The following XYLT1 variants were observed in gnomAD, a reference collection of about 807,000 sequenced individuals.
XYLT1 encodes the protein xylosyltransferase 1, also known as beta-D-xylosyltransferase 1.
Under a neutral mutation model 91.3 loss-of-function variants are expected in XYLT1, and 36 were observed. The observed-to-expected ratio is 0.39, with a 90% CI of 0.30 to 0.52. XYLT1 has a LOEUF of 0.52. Among genes scored for constraint, XYLT1 ranks in the 20% least tolerant of loss-of-function variants. XYLT1 has a pLI of 0.68. For missense variants in XYLT1, 1,242 were observed against 1,284.5 expected (o/e 0.97, Z 0.51); for synonymous variants, 588 against 532.0 (o/e 1.11, Z -1.45).
chr16:17,462,587 A>G (rs2036837796), intron 1 of XYLT1, among the ~76,000 whole-genome samples: 1 of 152,188 alleles, frequency 6.6e-6, no homozygotes, highest in East Asian at 1.9e-4. Flanking sequence ...GTAACTCTCC[A>G]GTGTGCTGCA....
intron 3 of XYLT1, among the ~76,000 whole-genome samples, chr16:17,228,550 G>T (rs1261418667): frequency 6.6e-6 from 1 of 152,122 alleles, no homozygotes; most frequent in East Asian, 1.9e-4. Flanking sequence ...AGCCAATAGG[G>T]GACTTAGAAG....
intron 2 of XYLT1, among the ~76,000 whole-genome samples, chr16:17,296,961 G>A (rs1057346069): frequency 3.9e-5 from 6 of 152,146 alleles, no homozygotes; most frequent in African/African-American, 1.2e-4. Context: ...ATGACTTTCC[G>A]AGTTTCTTTT....
At chr16:17,415,126 G>A (rs1466218842) in intron 1 of XYLT1, among the ~76,000 whole-genome samples, 1 of 152,254 alleles carries the variant, frequency 6.6e-6, no homozygotes, top group African/African-American at 2.4e-5. Context: ...GTTCAGAGAG[G>A]TTAAGCAGGT....
rs1480143106 is a variant in XYLT1 at position 17,107,386 on chromosome 16, C to G, written c.*1309G>C. Reference sequence around the variant, plus strand: ...CAAGGGAGGCCTCCTGCGAAGAGCTCTCCTGGTGAACAGGGATGACACTCC... The same window carrying G: ...CAAGGGAGGCCTCCTGCGAAGAGCTGTCCTGGTGAACAGGGATGACACTCC... On this transcript the variant is annotated 3_prime_UTR_variant, in exon 12 of 12. Transcript: ENST00000261381. The G allele has an allele frequency of 6.6e-6, 1 of 152,278 alleles. No homozygotes were observed. The highest frequency in any genetic ancestry group is 1.5e-5 in the Non-Finnish European group (1 of 68,044). 9.4% of individuals were successfully genotyped at this position (152,278 alleles called of 1,614,324 possible). A position where few individuals can be genotyped will look rare whatever the true frequency, so the allele number is the denominator to read the frequency against.
intron 2 of XYLT1, among the ~76,000 whole-genome samples, chr16:17,306,597 G>A (rs945123633): frequency 2.7e-5 from 4 of 150,588 alleles, no homozygotes; most frequent in Non-Finnish European, 5.9e-5. Context: ...GTCTAAGTAA[G>A]ATACAATTCC....
At chr16:17,249,771 C>T (rs1265883171) in intron 3 of XYLT1, 1 of 152,250 alleles carries the variant, frequency 6.6e-6, no homozygotes. Context: ...CGGGTTGAAG[C>T]AATTCTCATG....
chr16:17,437,126 A>C (rs995460833), intron 1 of XYLT1, among the ~76,000 whole-genome samples: 1 of 152,036 alleles, frequency 6.6e-6, no homozygotes, highest in Non-Finnish European at 1.5e-5. Flanking sequence ...CGAGCTCTAA[A>C]CTCAGGCCAT....
At chr16:17,385,407 T>C (rs915252108) in intron 1 of XYLT1, among the ~76,000 whole-genome samples, 3 of 151,878 alleles carry the variant, frequency 2.0e-5, no homozygotes, top group Non-Finnish European at 2.9e-5. Context: ...TATTATATGC[T>C]GTACGAAGAA....
At chr16:17,421,095 T>C (rs1414659988) in intron 1 of XYLT1, among the ~76,000 whole-genome samples, 2 of 152,206 alleles carry the variant, frequency 1.3e-5, no homozygotes, top group Non-Finnish European at 1.5e-5. Flanking sequence ...GTTTACCTTA[T>C]TAGAGTAACC....
chr16:17,417,695 C>T (rs1300753794), intron 1 of XYLT1, among the ~76,000 whole-genome samples: 4 of 152,164 alleles, frequency 2.6e-5, no homozygotes, highest in African/African-American at 7.2e-5. Flanking sequence ...ATGCCTTTAT[C>T]GAAAGGTAGT....
chr16:17,146,466 G>A (rs1052049748), intron 6 of XYLT1, among the ~76,000 whole-genome samples: 1 of 152,128 alleles, frequency 6.6e-6, no homozygotes, highest in Non-Finnish European at 1.5e-5. Flanking sequence ...GTCTAGATAT[G>A]GGTTGTAAAG....
At chr16:17,244,433 T>A (rs1283067808) in intron 3 of XYLT1, among the ~76,000 whole-genome samples, 2 of 152,102 alleles carry the variant, frequency 1.3e-5, no homozygotes, top group Non-Finnish European at 2.9e-5. Context: ...GATGAGGATG[T>A]TTTAGAGGCT....
At chr16:17,399,777 GC>G (rs925848970) in intron 1 of XYLT1, among the ~76,000 whole-genome samples, 1 of 149,560 alleles carries the variant, frequency 6.7e-6, no homozygotes, top group African/African-American at 2.5e-5. Flanking sequence ...TCCGGCCCTC[GC>G]CCCCAACTCC....
chr16:17,390,114 C>T lies in XYLT1; in HGVS notation c.364-32064G>A, dbSNP rs146210441. 6.3e-3 allele frequency among the ~76,000 whole-genome samples: 960 copies of T among 152,304 alleles called. 7 individuals are homozygous for T. Among genetic ancestry groups the T allele is most frequent in the Middle Eastern group, 0.01 (3 of 294 alleles). On this transcript the variant is annotated intron_variant, in intron 1 of 11. Coordinates refer to ENST00000261381, the MANE Select transcript of XYLT1 (RefSeq NM_022166.4). Reference sequence around the variant, plus strand: ...GGGAATAAAACGTCAGGGAAGTCAACTCTAGGTTTAAGAGATCTGTTCTTA... The same window carrying T: ...GGGAATAAAACGTCAGGGAAGTCAATTCTAGGTTTAAGAGATCTGTTCTTA...
At chr16:17,178,672 A>T (rs1343842103) in intron 5 of XYLT1, among the ~76,000 whole-genome samples, 1 of 152,232 alleles carries the variant, frequency 6.6e-6, no homozygotes, top group African/African-American at 2.4e-5. Flanking sequence ...ATTCATTTAC[A>T]TACTGTCTAT....
intron 1 of XYLT1, among the ~76,000 whole-genome samples, chr16:17,440,536 T>C (rs1023743677): frequency 2.0e-5 from 3 of 152,220 alleles, no homozygotes; most frequent in African/African-American, 7.2e-5. Flanking sequence ...CCATGAGCCT[T>C]AGAGGCCTGT....
At chr16:17,326,718 G>T (rs1447824093) in intron 2 of XYLT1, among the ~76,000 whole-genome samples, 1 of 151,940 alleles carries the variant, frequency 6.6e-6, no homozygotes, top group Non-Finnish European at 1.5e-5. Context: ...CCAGCTACTT[G>T]GGAGACTGAG....
intron 2 of XYLT1, among the ~76,000 whole-genome samples, chr16:17,356,400 T>C (rs1292591823): frequency 6.6e-6 from 1 of 152,118 alleles, no homozygotes; most frequent in Non-Finnish European, 1.5e-5. Flanking sequence ...GCACCTTCTA[T>C]ACTTCCCTGC....
intron 5 of XYLT1, among the ~76,000 whole-genome samples, chr16:17,184,070 C>T (rs1260200836): frequency 6.6e-6 from 1 of 152,042 alleles, no homozygotes; most frequent in Non-Finnish European, 1.5e-5. Context: ...AAAGACCACC[C>T]ACATTGTAGA....
Sources: gnomAD v4.1 joint callset for allele counts (sites outside exome capture counted in the v4.1 genomes callset) on GRCh38, gnomAD v4.1.1 for gene constraint, MANE v1.5 for transcripts, NCBI Gene and HGNC (gene_info 2026-07-23, HGNC 2026-07-21) for gene names.